The following LRRC49 variants were observed in gnomAD, a reference collection of about 807,000 sequenced individuals.
LRRC49 encodes leucine-rich repeat-containing protein 49.
A neutral mutation model predicts 83.3 loss-of-function variants in LRRC49; 50 were observed. That is an observed-to-expected ratio of 0.60 (90% CI 0.48 to 0.76). The LOEUF (loss-of-function observed/expected upper bound fraction) is 0.76, where lower values mean the gene tolerates loss of function less well. Among genes scored for constraint, LRRC49 ranks in the 30% least tolerant of loss-of-function variants. The pLI, the probability that LRRC49 is intolerant of heterozygous loss-of-function variation, is 0.00. For synonymous variants in LRRC49, 286 were observed against 283.3 expected (o/e 1.01, Z -0.10); for missense variants, 704 against 809.1 (o/e 0.87, Z 1.58).
chr15:71,022,527 C>A (rs1251096878), intron 14 of LRRC49, among the ~76,000 whole-genome samples: 2 of 151,886 alleles, frequency 1.3e-5, no homozygotes, highest in Non-Finnish European at 2.9e-5. Context: ...TAAATACTTA[C>A]CGAAATAAAA....
At chr15:70,853,772 CG>C in intron 1 of LRRC49, 1 of 748,526 alleles carries the variant, frequency 1.3e-6, no homozygotes, top group Non-Finnish European at 1.8e-6. Flanking sequence ...TCCCCGGCGG[CG>C]GGGCTGACTC....
At chr15:71,003,445 T>G (rs1304557540) in intron 11 of LRRC49, among the ~76,000 whole-genome samples, 4 of 152,170 alleles carry the variant, frequency 2.6e-5, no homozygotes, top group Non-Finnish European at 5.9e-5. Context: ...AATACCAGCT[T>G]TCTTAGAGTA....
chr15:70,987,811 G>C (rs2037689546), intron 11 of LRRC49, among the ~76,000 whole-genome samples: 1 of 151,966 alleles, frequency 6.6e-6, no homozygotes, highest in Non-Finnish European at 1.5e-5. Flanking sequence ...CTTTGAATGT[G>C]TCCCAGCGAT....
At chr15:70,982,323 G>A (rs2037431946) in intron 10 of LRRC49, among the ~76,000 whole-genome samples, 1 of 152,060 alleles carries the variant, frequency 6.6e-6, no homozygotes, top group African/African-American at 2.4e-5. Flanking sequence ...CTCTTTCAAA[G>A]TGGCCTTGAT....
In LRRC49 at chr15:70,978,164, C is replaced by T. The variant is rs187792957; in HGVS notation, c.922-1937C>T. Among the ~76,000 whole-genome samples, 69 of 152,206 alleles carry T rather than the reference C, an allele frequency of 4.5e-4. 1 individual carries two copies. The highest frequency in any genetic ancestry group is 1.0e-3 in the South Asian group (5 of 4,824). On this transcript the variant is annotated intron_variant, in intron 9 of 15. Transcript: ENST00000260382. Reference sequence around the variant, plus strand: ...AATATAACATATATATACTGGTCAGCATAGGCTAGATTGTGCTGCAGTAAC... The same window carrying T: ...AATATAACATATATATACTGGTCAGTATAGGCTAGATTGTGCTGCAGTAAC...
intron 5 of LRRC49, among the ~76,000 whole-genome samples, chr15:70,908,880 ATAGT>A (rs2034429202): frequency 6.6e-6 from 1 of 152,220 alleles, no homozygotes; most frequent in South Asian, 2.1e-4. Context: ...AATTTTTCTC[ATAGT>A]TAGCTTGGCC....
chr15:70,975,833 CT>C (rs1421869953), intron 9 of LRRC49, among the ~76,000 whole-genome samples: 2 of 151,762 alleles, frequency 1.3e-5, no homozygotes, highest in African/African-American at 4.8e-5. Context: ...TGTACGTTTT[CT>C]GTTTTGGTAG....
At chr15:70,865,367 A>C (rs1227978430) in intron 1 of LRRC49, among the ~76,000 whole-genome samples, 2 of 151,872 alleles carry the variant, frequency 1.3e-5, no homozygotes, top group African/African-American at 4.8e-5. Flanking sequence ...TCTAAAGAGA[A>C]AGACATTCAC....
At chr15:70,951,277 T>A (rs992572142) in intron 8 of LRRC49, among the ~76,000 whole-genome samples, 5 of 152,014 alleles carry the variant, frequency 3.3e-5, no homozygotes, top group Non-Finnish European at 7.4e-5. Context: ...TTTTTATAAT[T>A]TTTTTTCTAA....
At chr15:71,008,200 G>C (rs1423339301) in intron 11 of LRRC49, among the ~76,000 whole-genome samples, 179 bp from the exon 12 acceptor site, 1 of 151,780 alleles carries the variant, frequency 6.6e-6, no homozygotes, top group African/African-American at 2.4e-5. Flanking sequence ...TAAAATATAT[G>C]ATTAGAATAA....
intron 15 of LRRC49, among the ~76,000 whole-genome samples, chr15:71,044,450 T>G (rs914183395): frequency 2.6e-5 from 4 of 152,196 alleles, no homozygotes; most frequent in African/African-American, 9.6e-5. Context: ...ATTGTTAACT[T>G]ACATTAATTA....
intron 6 of LRRC49, among the ~76,000 whole-genome samples, chr15:70,915,958 G>C (rs2034755751): frequency 3.3e-5 from 5 of 152,150 alleles, no homozygotes; most frequent in Admixed American, 2.6e-4. Context: ...GTGAAATATA[G>C]ATTAGACATC....
chr15:70,884,914 T>C (rs138381434), intron 2 of LRRC49, among the ~76,000 whole-genome samples: 7 of 152,292 alleles, frequency 4.6e-5, no homozygotes, highest in Non-Finnish European at 1.0e-4. Flanking sequence ...ATGTTGTCTT[T>C]TTATGTGTAT....
At chr15:71,034,571 A>G (rs907786084) in intron 14 of LRRC49, among the ~76,000 whole-genome samples, 2 of 152,214 alleles carry the variant, frequency 1.3e-5, no homozygotes, top group Non-Finnish European at 2.9e-5. Flanking sequence ...CTATTATAAC[A>G]TGTACATGTA....
chr15:70,956,411 A>T (rs1431030394), intron 8 of LRRC49, among the ~76,000 whole-genome samples: 6 of 151,924 alleles, frequency 3.9e-5, no homozygotes, highest in African/African-American at 1.5e-4. Flanking sequence ...AAAGTCAATT[A>T]TAAGTTAAAT....
chr15:71,006,364 C>T (rs866474481), intron 11 of LRRC49, among the ~76,000 whole-genome samples: 7 of 152,084 alleles, frequency 4.6e-5, no homozygotes, highest in South Asian at 2.1e-4. Context: ...AACATCATTT[C>T]CCAAAGGGTT....
At chr15:71,010,785 C>G (rs1014116951) in intron 13 of LRRC49, among the ~76,000 whole-genome samples, 1 of 151,806 alleles carries the variant, frequency 6.6e-6, no homozygotes, top group African/African-American at 2.4e-5. Flanking sequence ...TCCACCTCTA[C>G]TAAATTTAAA....
chr15:70,878,785 G>A (rs927399708), intron 2 of LRRC49, among the ~76,000 whole-genome samples: 2 of 152,162 alleles, frequency 1.3e-5, no homozygotes, highest in South Asian at 2.1e-4. Context: ...AACCAGCCTC[G>A]TGTGGCTGAG....
chr15:70,866,943 G>A (rs1189597871), intron 1 of LRRC49, among the ~76,000 whole-genome samples: 1 of 151,300 alleles, frequency 6.6e-6, no homozygotes, highest in Non-Finnish European at 1.5e-5. Context: ...TCGACTCAAG[G>A]CCAAGTCTGG....
Sources: gnomAD v4.1 joint callset for allele counts (sites outside exome capture counted in the v4.1 genomes callset) on GRCh38, gnomAD v4.1.1 for gene constraint, MANE v1.5 for transcripts, NCBI Gene and HGNC (gene_info 2026-07-23, HGNC 2026-07-21) for gene names.